MICAL3: variants seen among roughly 807,000 people sequenced by gnomAD.
The protein encoded by MICAL3 is [F-actin]-monooxygenase MICAL3.
A neutral mutation model predicts 207.4 loss-of-function variants in MICAL3; 62 were observed. That is an observed-to-expected ratio of 0.30 (90% CI 0.24 to 0.37). MICAL3 has a LOEUF of 0.37. MICAL3 is among the 10% of genes least tolerant of loss of function. The pLI, the probability that MICAL3 is intolerant of heterozygous loss-of-function variation, is 1.00. For missense variants in MICAL3, 2,368 were observed against 2,635.6 expected, an observed-to-expected ratio of 0.90 and a Z score of 2.22; for synonymous variants, 1,077 against 1,069.3, an observed-to-expected ratio of 1.01 and a Z score of -0.14.
chr22:17,843,112 C>T (rs1224197529), intron 19 of MICAL3, among the ~76,000 whole-genome samples: 1 of 106,596 alleles, frequency 9.4e-6, no homozygotes, highest in Non-Finnish European at 1.8e-5. Context: ...CAAAGCGAGA[C>T]TTCATCTCAA....
In MICAL3 at chr22:17,902,802, T is replaced by A. The variant is rs907294690; in HGVS notation, c.473-55A>T. The A allele has an allele frequency of 1.8e-6, 2 of 1,131,528 alleles. No homozygotes were observed. The highest frequency in any genetic ancestry group is 4.1e-5 in the Admixed American group (2 of 49,238). 70.1% of individuals were successfully genotyped at this position (1,131,528 alleles called of 1,614,324 possible). On this transcript the variant is annotated intron_variant, in intron 3 of 31. Transcript: ENST00000441493. The surrounding 1 kb of genome is among the most constrained non-coding windows in gnomAD (Gnocchi z 4.5). ...GAACACATGGAGAAGGGGGTACCCATCCGTGTCGCAGCTCAGGCTCCCACC... is the reference window on the plus strand; with the variant it reads ...GAACACATGGAGAAGGGGGTACCCAACCGTGTCGCAGCTCAGGCTCCCACC...
chr22:18,012,717 C>G (rs1923825057), intron 1 of MICAL3, among the ~76,000 whole-genome samples: 1 of 152,220 alleles, frequency 6.6e-6, no homozygotes, highest in African/African-American at 2.4e-5. Flanking sequence ...GAATGCTGAG[C>G]TAGGATTTCT....
chr22:18,022,335 G>C (rs1202705693), intron 1 of MICAL3, among the ~76,000 whole-genome samples: 1 of 152,166 alleles, frequency 6.6e-6, no homozygotes, highest in Non-Finnish European at 1.5e-5. Flanking sequence ...TTTTAGGCCT[G>C]AGAAGGATAA....
At chr22:17,994,096 A>G (rs115255086) in intron 1 of MICAL3, among the ~76,000 whole-genome samples, 3,676 of 152,274 alleles carry the variant, frequency 0.024, 160 homozygotes, top group African/African-American at 0.082. Flanking sequence ...GTCTCTAAGC[A>G]TCTCTGATGC....
chr22:17,819,500 G>A (rs759285847), intron 25 of MICAL3, among the ~76,000 whole-genome samples: 3 of 152,094 alleles, frequency 2.0e-5, no homozygotes, highest in Non-Finnish European at 4.4e-5. Flanking sequence ...CGTACAGAGG[G>A]GCCAGGACTG....
At chr22:17,860,733 G>C in intron 19 of MICAL3, 1 of 985,338 alleles carries the variant, frequency 1.0e-6, no homozygotes, top group Non-Finnish European at 1.2e-6. Flanking sequence ...TCTGCTCTTG[G>C]GGCCCTTTCT....
At chr22:17,960,065 C>G (rs1221705626) in intron 1 of MICAL3, among the ~76,000 whole-genome samples, 1 of 152,206 alleles carries the variant, frequency 6.6e-6, no homozygotes, top group African/African-American at 2.4e-5. Context: ...CATGGGGACA[C>G]AGGAAGAGAA....
chr22:17,976,534 T>C lies in MICAL3; in HGVS notation c.-75+47747A>G, dbSNP rs1381379143. On this transcript the variant is annotated intron_variant, in intron 1 of 31. Coordinates refer to ENST00000441493, the MANE Select transcript of MICAL3 (RefSeq NM_015241.3). ...ATATACATGTATATATGTGTATATA[T>C]ATGTGTGTGTGTGTGTGTGTGTGTG... Among the ~76,000 whole-genome samples the C allele has an allele frequency of 7.4e-5, 8 of 108,512 alleles. No homozygotes were observed. The Admixed American group carries it at 8.1e-4, about 11-fold the overall frequency. The allele number at this position is 108,512 out of a possible 152,430, so 71.2% of individuals were successfully genotyped here.
At chr22:17,986,291 T>C (rs1469567229) in intron 1 of MICAL3, among the ~76,000 whole-genome samples, 2 of 152,212 alleles carry the variant, frequency 1.3e-5, no homozygotes, top group Admixed American at 6.5e-5. Context: ...GAGGCCAAGA[T>C]GGGCGGATCA....
At chr22:17,927,901 A>G (rs1046205282) in intron 1 of MICAL3, among the ~76,000 whole-genome samples, 1 of 152,178 alleles carries the variant, frequency 6.6e-6, no homozygotes, top group Non-Finnish European at 1.5e-5. Context: ...CCTACAAGAC[A>G]GCAAGTGGCT....
chr22:17,794,159 G>A (rs904680650), intron 29 of MICAL3, among the ~76,000 whole-genome samples: 1 of 152,160 alleles, frequency 6.6e-6, no homozygotes, highest in African/African-American at 2.4e-5. Context: ...GGCAGCACTC[G>A]GGCCACAGGG....
chr22:17,858,502 A>T (rs918497121), intron 19 of MICAL3: 50 of 984,868 alleles, frequency 5.1e-5, no homozygotes, highest in Non-Finnish European at 5.4e-5. Flanking sequence ...GCTGCCGTTC[A>T]GAGCTCCACA....
Position 17,936,902 on chromosome 22 carries a change from G to C in MICAL3, c.-74-30016C>G, listed in dbSNP as rs150929035. 4.0e-3 allele frequency among the ~76,000 whole-genome samples: 610 copies of C among 152,300 alleles called. 3 individuals are homozygous for C. The highest frequency in any genetic ancestry group is 0.014 in the African/African-American group (572 of 41,562). On this transcript the variant is annotated intron_variant, in intron 1 of 31. Transcript: ENST00000441493. ...GAGGGAACAGCACGTGCTTGGTCTT[G>C]ACTCCTTTGGTAGGTCTCCTCTCTG... is the stretch of plus-strand genomic sequence containing the variant.
intron 27 of MICAL3, chr22:17,811,596 C>T (rs1445047329): frequency 6.6e-6 from 1 of 152,204 alleles, no homozygotes; most frequent in Non-Finnish European, 1.5e-5. Flanking sequence ...ACTGGACAGC[C>T]ACAGCCCCCT....
chr22:17,899,813 C>T (rs577886513), intron 6 of MICAL3, among the ~76,000 whole-genome samples: 6 of 151,436 alleles, frequency 4.0e-5, no homozygotes, highest in South Asian at 4.2e-4. Flanking sequence ...GGAATAAAAA[C>T]GAAACAAGCA....
rs1047900956 is a variant in MICAL3, at chr22:17,871,731, G to A, written c.2428+106C>T. On this transcript the variant is annotated intron_variant, in intron 17 of 31. Transcript: ENST00000441493. ...AGGCTGGGAGAGGCATGATGGAAAA[G>A]ACGCACATGGAATAAGGCAGGAAGG... The A allele has an allele frequency of 1.2e-4, 116 of 994,350 alleles. No homozygotes were observed. In the East Asian group the frequency reaches 3.1e-3, roughly 26 times the overall value. 61.6% of individuals were successfully genotyped at this position (994,350 alleles called of 1,614,324 possible).
At chr22:17,897,472 C>G (rs941219362) in intron 7 of MICAL3, among the ~76,000 whole-genome samples, 1 of 151,214 alleles carries the variant, frequency 6.6e-6, no homozygotes, top group Non-Finnish European at 1.5e-5. Context: ...GGATTATTCC[C>G]GAGAGAACAT....
intron 1 of MICAL3, among the ~76,000 whole-genome samples, chr22:17,912,073 C>T (rs1206910856): frequency 6.6e-6 from 1 of 151,784 alleles, no homozygotes; most frequent in African/African-American, 2.4e-5. Flanking sequence ...ATTATTTGAT[C>T]CTCCCAGGAG....
chr22:17,808,719 A>C, intron 29 of MICAL3, 125 bp downstream of exon 29: 5 of 728,036 alleles, frequency 6.9e-6, no homozygotes, highest in Non-Finnish European at 1.1e-5. Context: ...TCAGAGATGA[A>C]GGGCCCCAGA....
Sources: gnomAD v4.1 joint callset for allele counts (sites outside exome capture counted in the v4.1 genomes callset) on GRCh38, gnomAD v4.1.1 for gene constraint, Gnocchi (gnomAD v3.1) non-coding constraint, MANE v1.5 for transcripts, NCBI Gene and HGNC (gene_info 2026-07-23, HGNC 2026-07-21) for gene names.